Variants in NRXN1 observed in about 807,000 individuals in gnomAD.
NRXN1 encodes the protein neurexin 1.
NRXN1 carries 39 observed loss-of-function variants against 150.9 expected under a neutral mutation model. The ratio of observed to expected loss-of-function variants is 0.26; its 90% CI spans 0.20 to 0.34. The LOEUF (loss-of-function observed/expected upper bound fraction) is 0.34. NRXN1 is among the 10% of genes least tolerant of loss of function. The pLI is 1.00. For synonymous variants in NRXN1, 924 were observed against 757.0 expected, an observed-to-expected ratio of 1.22 and a Z score of -3.62; for missense variants, 1,815 against 1,949.9, an observed-to-expected ratio of 0.93 and a Z score of 1.30.
intron 18 of NRXN1, among the ~76,000 whole-genome samples, chr2:50,098,871 T>G (rs1210416454): frequency 3.9e-5 from 3 of 76,676 alleles, no homozygotes; most frequent in East Asian, 4.1e-4. Flanking sequence ...TTTTTTTTTT[T>G]TTTTTTTTTT....
intron 6 of NRXN1, among the ~76,000 whole-genome samples, chr2:50,622,912 C>T (rs1395980944): frequency 1.3e-5 from 2 of 152,126 alleles, no homozygotes; most frequent in African/African-American, 4.8e-5. Context: ...ATCACAAACA[C>T]TATTTTTTCG....
In NRXN1 at chr2:49,935,402, TG is replaced by T. The variant is rs1670859874; in HGVS notation, c.4216+8301del. Among the ~76,000 whole-genome samples the T allele has an allele frequency of 3.9e-5, 6 of 152,344 alleles. No individual in the cohort carries two copies. The South Asian group carries it at 1.2e-3, about 32-fold the overall frequency. The stretch of plus-strand genomic sequence containing the variant: ...TCCTATTTTTTTTTAATGTAATTAA[TG>T]GCCTCTGGCTATACTGGCATCTTTA... On this transcript the variant is annotated intron_variant, in intron 22 of 22. Coordinates refer to ENST00000401669, the MANE Select transcript of NRXN1 (RefSeq NM_001330078.2).
chr2:50,612,068 C>T (rs11888773), intron 8 of NRXN1, among the ~76,000 whole-genome samples: 5,177 of 152,090 alleles, frequency 0.034, 317 homozygotes, highest in African/African-American at 0.12. Flanking sequence ...TAATATGATA[C>T]GGGGAGCAAC....
At chr2:50,046,608 AT>A (rs1381084871) in intron 21 of NRXN1, among the ~76,000 whole-genome samples, 1 of 152,192 alleles carries the variant, frequency 6.6e-6, no homozygotes, top group Non-Finnish European at 1.5e-5. Context: ...TGAAGTGGCC[AT>A]CATTTCATAT....
chr2:50,301,756 A>C (rs1484932486), intron 17 of NRXN1, among the ~76,000 whole-genome samples: 1 of 152,210 alleles, frequency 6.6e-6, no homozygotes, highest in Non-Finnish European at 1.5e-5. Context: ...GCACAGATGA[A>C]CAGCATGAAG....
chr2:50,557,813 T>G (rs1266705984), intron 8 of NRXN1, among the ~76,000 whole-genome samples: 1 of 152,320 alleles, frequency 6.6e-6, no homozygotes, highest in East Asian at 1.9e-4. Context: ...AGAAGGTAGA[T>G]AGCAATTGAT....
chr2:50,316,481 A>T (rs2075616275), intron 17 of NRXN1, among the ~76,000 whole-genome samples: 1 of 152,104 alleles, frequency 6.6e-6, no homozygotes, highest in East Asian at 1.9e-4. Context: ...TGCAACCAGT[A>T]TAGCCATTTG....
chr2:50,985,928 ACT>A (rs1215029229), intron 2 of NRXN1, among the ~76,000 whole-genome samples: 1 of 151,784 alleles, frequency 6.6e-6, no homozygotes. Flanking sequence ...AGATTCTACA[ACT>A]CTCAAAGAAA....
intron 17 of NRXN1, among the ~76,000 whole-genome samples, chr2:50,437,072 T>G (rs1379274865): frequency 6.6e-6 from 1 of 152,184 alleles, no homozygotes; most frequent in African/African-American, 2.4e-5. Context: ...CCAAATCCAT[T>G]CTGGGAAACC....
intron 5 of NRXN1, among the ~76,000 whole-genome samples, chr2:50,780,660 A>G (rs569440015): frequency 6.6e-6 from 1 of 152,180 alleles, no homozygotes; most frequent in East Asian, 1.9e-4. Context: ...GTTCTTTTTA[A>G]TGTTGAATAT....
chr2:50,373,473 A>T (rs1266244586), intron 17 of NRXN1, among the ~76,000 whole-genome samples: 1 of 139,594 alleles, frequency 7.2e-6, no homozygotes, highest in African/African-American at 3.1e-5. Context: ...ACTTGCAGGA[A>T]GATATAAGAA....
intron 18 of NRXN1, among the ~76,000 whole-genome samples, chr2:50,191,921 T>C (rs2061468272): frequency 6.6e-6 from 1 of 152,160 alleles, no homozygotes; most frequent in South Asian, 2.1e-4. Context: ...CTTCTAAAAC[T>C]GAAAATATTG....
intron 15 of NRXN1, among the ~76,000 whole-genome samples, chr2:50,490,801 G>A (rs776887758): frequency 6.6e-6 from 1 of 152,158 alleles, no homozygotes; most frequent in Non-Finnish European, 1.5e-5. Context: ...TGAGATCCCA[G>A]TATGACTCCA....
intron 1 of NRXN1, among the ~76,000 whole-genome samples, chr2:51,031,035 C>T (rs976565559): frequency 6.6e-6 from 1 of 151,914 alleles, no homozygotes; most frequent in Admixed American, 6.6e-5. Context: ...AGAGAAAAAC[C>T]GTAGAGCAAT....
At chr2:50,728,406 A>G (rs571983452) in intron 5 of NRXN1, among the ~76,000 whole-genome samples, 92 of 152,310 alleles carry the variant, frequency 6.0e-4, no homozygotes, top group South Asian at 2.3e-3. Flanking sequence ...TGAATTGCAC[A>G]CAAAGTATTC....
Position 49,964,608 on chromosome 2 carries a change from G to A in NRXN1, c.4129-20817C>T, listed in dbSNP as rs554767907. 9.9e-5 allele frequency among the ~76,000 whole-genome samples: 15 copies of A among 152,064 alleles called. 1 individual carries two copies. The highest frequency in any genetic ancestry group is 3.6e-4 in the African/African-American group (15 of 41,522). ...TAATCCCAGCACTTTGGGAGGCTAA[G>A]GCAGGTGGATTGCCTGAGGTCAGGA... On this transcript the variant is annotated intron_variant, in intron 21 of 22. Transcript: ENST00000401669.
At chr2:50,816,449 C>CT (rs1365739503) in intron 5 of NRXN1, among the ~76,000 whole-genome samples, 1 of 152,060 alleles carries the variant, frequency 6.6e-6, no homozygotes, top group Non-Finnish European at 1.5e-5. Flanking sequence ...TAACAGCCAT[C>CT]TTGAAGCTAT....
intron 17 of NRXN1, among the ~76,000 whole-genome samples, chr2:50,343,439 A>T: frequency 6.6e-6 from 1 of 151,578 alleles, no homozygotes; most frequent in Non-Finnish European, 1.5e-5. Context: ...ATTTACAGTC[A>T]CACAGTTCTC....
intron 5 of NRXN1, among the ~76,000 whole-genome samples, chr2:50,826,661 T>C (rs1213044644): frequency 2.0e-5 from 3 of 152,182 alleles, no homozygotes; most frequent in Non-Finnish European, 4.4e-5. Context: ...TGTATTTCGC[T>C]TGAACAACAA....
Sources: allele counts gnomAD v4.1 joint callset (sites outside exome capture counted in the v4.1 genomes callset), GRCh38; gene constraint gnomAD v4.1.1; transcripts MANE v1.5; gene names NCBI Gene and HGNC (gene_info 2026-07-23, HGNC 2026-07-21).